Variants in AGBL3 observed in about 807,000 individuals in gnomAD.
AGBL3 encodes the protein cytosolic carboxypeptidase 3.
A neutral mutation model predicts 94.5 loss-of-function variants in AGBL3; 68 were observed. The observed-to-expected ratio is 0.72, with a 90% confidence interval of 0.59 to 0.88. AGBL3 has a LOEUF of 0.88. Among genes scored for constraint, AGBL3 ranks in the 40% least tolerant of loss-of-function variants. The probability of loss-of-function intolerance (pLI) is 0.00; values close to 1 mark genes in which losing one functional copy is unlikely to be tolerated. For missense variants in AGBL3, 934 were observed against 1,103.8 expected, an observed-to-expected ratio of 0.85 and a Z score of 2.18; for synonymous variants, 354 against 370.7, an observed-to-expected ratio of 0.95 and a Z score of 0.52.
chr7:135,089,207 CTTTTT>C (rs1188683411), intron 15 of AGBL3, among the ~76,000 whole-genome samples: 2 of 151,618 alleles, frequency 1.3e-5, no homozygotes, highest in Non-Finnish European at 2.9e-5. Context: ...TGTGATATTT[CTTTTT>C]TATTATATCT....
chr7:135,133,351 C>T (rs1019734940), intron 16 of AGBL3, among the ~76,000 whole-genome samples: 1 of 152,192 alleles, frequency 6.6e-6, no homozygotes, highest in African/African-American at 2.4e-5. Flanking sequence ...GATGTCAGTT[C>T]TTCCCAGCTT....
intron 3 of AGBL3, among the ~76,000 whole-genome samples, chr7:134,990,417 C>T (rs1160870389): frequency 6.6e-6 from 1 of 152,154 alleles, no homozygotes; most frequent in Non-Finnish European, 1.5e-5. Flanking sequence ...CATGTTGTTG[C>T]ATATATCAGT....
At chr7:135,028,918 C>T (rs1253813062) in intron 5 of AGBL3, among the ~76,000 whole-genome samples, 1 of 152,174 alleles carries the variant, frequency 6.6e-6, no homozygotes, top group Non-Finnish European at 1.5e-5. Context: ...GTCTCCAGTG[C>T]ATCTCCATCA....
chr7:135,091,138 C>G (rs1256727208), intron 15 of AGBL3, among the ~76,000 whole-genome samples: 2 of 152,134 alleles, frequency 1.3e-5, no homozygotes, highest in Admixed American at 1.3e-4. Context: ...TCCTGATTCC[C>G]AGCTGACCGT....
intron 5 of AGBL3, among the ~76,000 whole-genome samples, chr7:135,025,002 T>C (rs751404865): frequency 9.9e-5 from 15 of 151,612 alleles, no homozygotes; most frequent in Non-Finnish European, 1.5e-5. Context: ...CCCATTGGCA[T>C]TCCTGAGAGG....
intron 8 of AGBL3, among the ~76,000 whole-genome samples, chr7:135,042,529 G>A (rs949386804): frequency 6.6e-6 from 1 of 152,168 alleles, no homozygotes; most frequent in Non-Finnish European, 1.5e-5. Context: ...GCAGGAGGGT[G>A]TGACTATAAC....
intron 15 of AGBL3, 33 bp from the exon 16 acceptor site, chr7:135,115,347 A>G (rs755165667): frequency 5.2e-6 from 7 of 1,356,454 alleles, no homozygotes; most frequent in Non-Finnish European, 7.1e-6. Flanking sequence ...TAGAGTTCAT[A>G]TCTCTGTACA....
At chr7:135,048,994 A>G (rs966451907) in intron 11 of AGBL3, among the ~76,000 whole-genome samples, 1 of 151,782 alleles carries the variant, frequency 6.6e-6, no homozygotes, top group Non-Finnish European at 1.5e-5. Context: ...TTCAGTGGCC[A>G]GGTGAGCATC....
chr7:135,090,507 C>T (rs1821699117), intron 15 of AGBL3, among the ~76,000 whole-genome samples: 1 of 152,134 alleles, frequency 6.6e-6, no homozygotes, highest in Non-Finnish European at 1.5e-5. Flanking sequence ...GGCACCGATC[C>T]TCCAAGGGGA....
chr7:135,097,582 C>A (rs1388235196), intron 15 of AGBL3, among the ~76,000 whole-genome samples: 1 of 152,086 alleles, frequency 6.6e-6, no homozygotes, highest in Non-Finnish European at 1.5e-5. Context: ...AGATCTTACC[C>A]ACTAAATGTC....
chr7:135,073,042 C>T (rs186224588), intron 12 of AGBL3, among the ~76,000 whole-genome samples: 45 of 151,802 alleles, frequency 3.0e-4, no homozygotes, highest in Admixed American at 7.2e-4. Context: ...CATTATGCCC[C>T]GTAAAATAAG....
chr7:135,031,429 T>C (rs1485578433), intron 5 of AGBL3, among the ~76,000 whole-genome samples: 1 of 152,092 alleles, frequency 6.6e-6, no homozygotes, highest in Non-Finnish European at 1.5e-5. Context: ...CGGCTAATTT[T>C]TGTATTTTTA....
chr7:135,017,480 C>T (rs1813934365), intron 5 of AGBL3, among the ~76,000 whole-genome samples: 1 of 152,214 alleles, frequency 6.6e-6, no homozygotes, highest in African/African-American at 2.4e-5. Context: ...ATTGTTCCCT[C>T]TCCATGTATG....
At chr7:135,068,295 A>C (rs982179834) in intron 12 of AGBL3, among the ~76,000 whole-genome samples, 1 of 152,210 alleles carries the variant, frequency 6.6e-6, no homozygotes, top group Admixed American at 6.5e-5. Flanking sequence ...AATGGAACCA[A>C]GTTGGAAAAC....
At chr7:135,097,337 G>GA (rs1210368991) in intron 15 of AGBL3, among the ~76,000 whole-genome samples, 1 of 152,002 alleles carries the variant, frequency 6.6e-6, no homozygotes, top group Non-Finnish European at 1.5e-5. Context: ...GGCAACAAAA[G>GA]AAAAAATCCC....
At chr7:135,104,721 T>C (rs1824387719) in intron 15 of AGBL3, among the ~76,000 whole-genome samples, 1 of 152,200 alleles carries the variant, frequency 6.6e-6, no homozygotes, top group African/African-American at 2.4e-5. Flanking sequence ...GCCACATGTA[T>C]GTCTTCTTTT....
chr7:135,105,691 T>A (rs1346467183), intron 15 of AGBL3, among the ~76,000 whole-genome samples: 1 of 152,218 alleles, frequency 6.6e-6, no homozygotes, highest in Admixed American at 6.5e-5. Context: ...TTCTTTTTGC[T>A]TAGGATTGCC....
intron 4 of AGBL3, chr7:134,995,408 A>G (rs1326584675): frequency 6.6e-6 from 1 of 151,996 alleles, no homozygotes; most frequent in Admixed American, 6.6e-5. Flanking sequence ...CCTAGCCCTC[A>G]CTTTCAGCCG....
intron 16 of AGBL3, chr7:135,128,530 C>G: frequency 1.3e-6 from 1 of 764,368 alleles, no homozygotes; most frequent in Admixed American, 1.7e-5. Flanking sequence ...AGCAGTCTGT[C>G]CAAGGTGGAG....
Sources: gnomAD v4.1 joint callset for allele counts (sites outside exome capture counted in the v4.1 genomes callset) on GRCh38, gnomAD v4.1.1 for gene constraint, MANE v1.5 for transcripts, NCBI Gene and HGNC (gene_info 2026-07-23, HGNC 2026-07-21) for gene names.